KIF7: variants seen among roughly 807,000 people sequenced by gnomAD.
KIF7 encodes the protein kinesin-like protein KIF7.
A neutral mutation model predicts 135.7 loss-of-function variants in KIF7; 104 were observed. That is an observed-to-expected ratio of 0.77 (90% CI 0.65 to 0.90). The LOEUF (loss-of-function observed/expected upper bound fraction) is 0.90. Ranked by LOEUF, KIF7 falls within the 40% of genes least tolerant of loss-of-function variation. KIF7 has a pLI of 0.00. For synonymous variants in KIF7, 883 were observed against 809.4 expected, an observed-to-expected ratio of 1.09 and a Z score of -1.54; for missense variants, 2,005 against 1,839.1, an observed-to-expected ratio of 1.09 and a Z score of -1.65.
At position 89,629,369 on chromosome 15, in the gene KIF7, G is replaced by A. The variant is rs74251725; in HGVS notation, c.3517+6C>T. Reference sequence around the variant, plus strand: ...GGGGTTGTGAGCCATGGGCCGGGCTGCTCACCTCGACTCTGCTGCAGGAGC... The same window carrying A: ...GGGGTTGTGAGCCATGGGCCGGGCTACTCACCTCGACTCTGCTGCAGGAGC... On this transcript the variant is annotated splice_donor_region_variant and intron_variant, in intron 17 of 18. Transcript: ENST00000394412. The A allele has an allele frequency of 0.32, 502,928 of 1,583,102 alleles. 82,583 individuals carry two copies. Among genetic ancestry groups the A allele is most frequent in the Middle Eastern group, 0.37 (1,705 of 4,564 alleles).
At position 89,633,004 on chromosome 15, in the gene KIF7, AAAGTAG is replaced by A. The variant is rs1963715328; in HGVS notation, c.2719-14_2719-9del. ...CTTCTGCTCCTCAATCTTCTAAGGAAAAGTAGGGAGGGAGGGAGGGAACTCAGGGCC... is the reference window on the plus strand; with the variant it reads ...CTTCTGCTCCTCAATCTTCTAAGGAAGGAGGGAGGGAGGGAACTCAGGGCC... On this transcript the variant is annotated splice_polypyrimidine_tract_variant and intron_variant, in intron 13 of 18. Transcript: ENST00000394412. 1 of 645,682 alleles carries A rather than the reference AAAGTAG, an allele frequency of 1.5e-6. No homozygotes were observed. Among genetic ancestry groups the A allele is most frequent in the Non-Finnish European group, 2.3e-6 (1 of 432,088 alleles). 40.0% of individuals were successfully genotyped at this position (645,682 alleles called of 1,614,324 possible).
At chr15:89,621,944 A>G (rs1963432243) in intron 1 of KIF7, among the ~76,000 whole-genome samples, 2 of 150,486 alleles carry the variant, frequency 1.3e-5, no homozygotes, top group African/African-American at 2.5e-5. Context: ...GGCATAGCCA[A>G]TCAGTCGAGT....
chr15:89,628,633 A>G lies in KIF7; in HGVS notation c.3818T>C (p.Leu1273Ser). ...GCTCGAGCGTTTCCAGGTCAAGGGT[A>G]ACGGAGCGTGGACCAAGTCCCGCGT... ...EETRDLVHAPLPLTWKRSSLC... is the reference protein window; with the variant it reads ...EETRDLVHAPSPLTWKRSSLC... Residue 1273 changes from leucine to serine, a missense_variant, in exon 19 of 19, where the codon TTA becomes TCA. Coordinates refer to ENST00000394412, the MANE Select transcript of KIF7 (RefSeq NM_198525.3). The G allele has an allele frequency of 6.2e-6, 10 of 1,613,282 alleles. No homozygotes were observed. The highest frequency in any genetic ancestry group is 8.5e-6 in the Non-Finnish European group (10 of 1,179,980).
chr15:89,628,277 T>G lies in KIF7; in HGVS notation c.*142A>C. ...CAGTTCTTTTGGGCCATGGCCCAAA[T>G]TTGTTGATCCCAGTGAGGGTACAGA... On this transcript the variant is annotated 3_prime_UTR_variant, in exon 19 of 19. Transcript: ENST00000394412. The G allele has an allele frequency of 9.3e-7, 1 of 1,070,516 alleles. No individual in the cohort carries two copies. Among genetic ancestry groups the G allele is most frequent in the South Asian group, 2.1e-5 (1 of 47,174 alleles). The allele number at this position is 1,070,516 out of a possible 1,614,324, so 66.3% of individuals were successfully genotyped here.
At chr15:89,656,885 G>A (rs1035715936), upstream of KIF7, among the ~76,000 whole-genome samples, 6 of 152,148 alleles carry the variant, frequency 3.9e-5, no homozygotes, top group South Asian at 2.1e-4. Flanking sequence ...GCAGCCTGCC[G>A]CCGTGATGCC....
At chr15:89,625,911 C>T, downstream of KIF7, 2 of 1,549,166 alleles carry the variant, frequency 1.3e-6, no homozygotes, top group East Asian at 4.5e-5. Context: ...GGGGACGCTG[C>T]TCTTACTATG....
Position 89,628,306 on chromosome 15 carries a change from G to T in KIF7, c.*113C>A. ...TTGATCCCAGTGAGGGTACAGATGA[G>T]GGCCTGGATTTAGGGTGTGCGGTAA... On this transcript the variant is annotated 3_prime_UTR_variant, in exon 19 of 19. Coordinates refer to ENST00000394412, the MANE Select transcript of KIF7 (RefSeq NM_198525.3). 7.2e-7 allele frequency: 1 copy of T among 1,381,410 alleles called. No individual in the cohort carries two copies. The highest frequency in any genetic ancestry group is 9.8e-7 in the Non-Finnish European group (1 of 1,017,152). 85.6% of individuals were successfully genotyped at this position (1,381,410 alleles called of 1,614,324 possible).
chr15:89,620,466 C>G lies in KIF7; in HGVS notation c.181-2271G>C, dbSNP rs1963405905. On this transcript the variant is annotated intron_variant and NMD_transcript_variant, in intron 1 of 2. Transcript: ENST00000558928. ...CAAGTGATCCATCTGCCTCGGCCTC[C>G]CAAAGTGCTGGGATTACAAGTGTGA... Among the ~76,000 whole-genome samples the G allele has an allele frequency of 3.9e-5, 6 of 152,196 alleles. 1 individual carries two copies. In the South Asian group the frequency reaches 1.2e-3, roughly 32 times the overall value.
chr15:89,642,755 G>A (rs1963946477), intron 10 of KIF7, among the ~76,000 whole-genome samples: 1 of 152,114 alleles, frequency 6.6e-6, no homozygotes, highest in Admixed American at 6.6e-5. Flanking sequence ...TTTTAGTAGA[G>A]ATTGGGTTTT....
intron 11 of KIF7, among the ~76,000 whole-genome samples, chr15:89,641,479 T>A (rs1231201644): frequency 6.6e-6 from 1 of 152,148 alleles, no homozygotes; most frequent in African/African-American, 2.4e-5. Context: ...CACCTGTGGA[T>A]AAATGGACAG....
At chr15:89,618,677 A>C (rs186316650) in intron 1 of KIF7, among the ~76,000 whole-genome samples, 324 of 152,316 alleles carry the variant, frequency 2.1e-3, no homozygotes, top group African/African-American at 7.3e-3. Context: ...AATGAGGGTG[A>C]GCAGCAGGTG....
In KIF7 at chr15:89,629,439, G is replaced by A; in HGVS notation, c.3453C>T (p.Arg1151=). The change falls in exon 17 of 19, where the codon CGC becomes CGT. Residue 1151 remains arginine (R), a synonymous_variant. Coordinates refer to ENST00000394412, the MANE Select transcript of KIF7 (RefSeq NM_198525.3). ...GCTCCTTCTGCTGCAGGGTCAGCTG[G>A]CGGTCCATCTCCAGGCGCTGCCGCT... ...ALERQRLEMD[R]QLTLQQKEHE... 3.1e-6 allele frequency: 5 copies of A among 1,608,972 alleles called. No homozygotes were observed. The highest frequency in any genetic ancestry group is 4.2e-6 in the Non-Finnish European group (5 of 1,179,898).
intron 1 of KIF7, chr15:89,619,646 A>G (rs1963391645): frequency 1.3e-6 from 2 of 1,549,084 alleles, no homozygotes; most frequent in South Asian, 1.3e-5. Context: ...GTTTTGGACA[A>G]CATGAGAAAA....
chr15:89,643,885 G>GAAA (rs11358124), intron 10 of KIF7, among the ~76,000 whole-genome samples: 1 of 91,540 alleles, frequency 1.1e-5, no homozygotes, highest in Non-Finnish European at 2.2e-5. Flanking sequence ...CTCCGTCTCA[G>GAAA]AAAAAAAAAA....
chr15:89,626,185 C>A, downstream of KIF7: 2 of 1,043,486 alleles, frequency 1.9e-6, no homozygotes, highest in Non-Finnish European at 1.4e-6. Flanking sequence ...GGTGACTTCG[C>A]GCCTACAGCG....
chr15:89,635,041 T>G (rs970417557), intron 11 of KIF7, among the ~76,000 whole-genome samples: 1 of 152,092 alleles, frequency 6.6e-6, no homozygotes, highest in South Asian at 2.1e-4. Flanking sequence ...GCAGCCTAAC[T>G]GGGAGGCACC....
chr15:89,618,332 C>A, intron 1 of KIF7: 1 of 838,182 alleles, frequency 1.2e-6, no homozygotes, highest in Non-Finnish European at 2.1e-6. Flanking sequence ...GCTCTGAGTC[C>A]ACAATGCAGC....
chr15:89,647,492 G>A (rs1964036061), intron 6 of KIF7, 104 bp downstream of exon 6: 6 of 995,292 alleles, frequency 6.0e-6, no homozygotes, highest in Non-Finnish European at 9.5e-6. Context: ...CCCCTACCCC[G>A]CAGTACCCTA....
downstream of KIF7, chr15:89,625,994 G>A: frequency 6.2e-7 from 1 of 1,610,740 alleles, no homozygotes; most frequent in Non-Finnish European, 8.5e-7. Context: ...GTGCCCTCCA[G>A]GCTCTGACCC....
Sources: gnomAD v4.1 joint callset for allele counts (sites outside exome capture counted in the v4.1 genomes callset) on GRCh38, gnomAD v4.1.1 for gene constraint, MANE v1.5 for transcripts, NCBI Gene and HGNC (gene_info 2026-07-23, HGNC 2026-07-21) for gene names.